RAD54L2: variants seen among roughly 807,000 people sequenced by gnomAD.
RAD54L2 encodes helicase ARIP4.
In RAD54L2, 27 loss-of-function variants were observed where a neutral mutation model predicts 138.4. That is an observed-to-expected ratio of 0.20 (90% CI 0.14 to 0.27). The LOEUF (loss-of-function observed/expected upper bound fraction) is 0.27, where lower values mean the gene tolerates loss of function less well. Among genes scored for constraint, RAD54L2 ranks in the 10% least tolerant of loss-of-function variants. The pLI, the probability that RAD54L2 is intolerant of heterozygous loss-of-function variation, is 1.00. For missense variants in RAD54L2, 1,396 were observed against 1,890.2 expected, an observed-to-expected ratio of 0.74 and a Z score of 4.85; for synonymous variants, 644 against 723.2, an observed-to-expected ratio of 0.89 and a Z score of 1.76.
chr3:51,662,518 G>A lies in RAD54L2; in HGVS notation c.3502G>A (p.Val1168Ile), dbSNP rs755429540. Residue 1168 changes from valine (V) to isoleucine (I), a missense_variant, in exon 23 of 23, where the codon GTC becomes ATC. Physicochemically the swap from Val to Ile is conservative, Grantham distance 29. Transcript: ENST00000684192. The surrounding 1 kb of genome is among the most constrained non-coding windows in gnomAD (Gnocchi z 4.6). ...CGACCCTGAGGGGCTGGCCAGGCCC[G>A]TCTCTCCTGACAGCCCAGAGATCAT... is the stretch of plus-strand genomic sequence containing the variant. ...APDPEGLARP[V>I]SPDSPEIISE... 56 of 1,612,910 alleles carry A rather than the reference G, an allele frequency of 3.5e-5. No homozygotes were observed. The highest frequency in any genetic ancestry group is 7.7e-5 in the South Asian group (7 of 90,940).
At chr3:51,650,759 C>T (rs1488368636) in intron 19 of RAD54L2, among the ~76,000 whole-genome samples, 2 of 152,174 alleles carry the variant, frequency 1.3e-5, no homozygotes, top group Non-Finnish European at 2.9e-5. Context: ...ACACAACGTA[C>T]CAGAATATCT....
intron 14 of RAD54L2, among the ~76,000 whole-genome samples, chr3:51,640,615 A>C (rs1701107347): frequency 6.6e-6 from 1 of 152,224 alleles, no homozygotes; most frequent in Non-Finnish European, 1.5e-5. Flanking sequence ...CAGGAGCCTC[A>C]GAGTGAGGGC....
At position 51,627,535 on chromosome 3, in the gene RAD54L2, T is replaced by C; in HGVS notation, c.140-18T>C. The C allele has an allele frequency of 6.5e-7, 1 of 1,548,716 alleles. No individual in the cohort carries two copies. Among genetic ancestry groups the C allele is most frequent in the Non-Finnish European group, 8.7e-7 (1 of 1,145,882 alleles). On this transcript the variant is annotated intron_variant, in intron 3 of 22. Coordinates refer to ENST00000684192, the MANE Select transcript of RAD54L2 (RefSeq NM_015106.4). ...CCCTCACCCCTATAAAGCAATGTCT[T>C]TCCCCTTGTTTTTTCAGACCCATCC...
At chr3:51,568,331 T>C (rs1009879163) in intron 2 of RAD54L2, among the ~76,000 whole-genome samples, 38 of 152,128 alleles carry the variant, frequency 2.5e-4, no homozygotes, top group African/African-American at 8.7e-4. Context: ...CCTCTTCCCT[T>C]TTTTGGACTG....
intron 2 of RAD54L2, among the ~76,000 whole-genome samples, chr3:51,583,426 T>A (rs1351654824): frequency 6.6e-6 from 1 of 151,606 alleles, no homozygotes; most frequent in African/African-American, 2.4e-5. Flanking sequence ...CTTCTTTTTT[T>A]TTATTTTTTT....
At chr3:51,584,605 ATACTCCGTATAGTACTCTACAGTAC>A (rs1699674043) in intron 2 of RAD54L2, among the ~76,000 whole-genome samples, 1 of 149,362 alleles carries the variant, frequency 6.7e-6, no homozygotes, top group South Asian at 2.1e-4. Flanking sequence ...GGTGAGTACT[ATACTCCGTATAGTACTCTACAGTAC>A]TATATATATA....
intron 2 of RAD54L2, among the ~76,000 whole-genome samples, chr3:51,581,685 T>G (rs1375604411): frequency 6.6e-6 from 1 of 152,150 alleles, no homozygotes; most frequent in Non-Finnish European, 1.5e-5. Context: ...GGCTTGTACT[T>G]TGAGAAGAGA....
intron 2 of RAD54L2, among the ~76,000 whole-genome samples, chr3:51,567,775 A>G (rs1230189407): frequency 2.6e-5 from 4 of 151,936 alleles, no homozygotes; most frequent in Non-Finnish European, 5.9e-5. Context: ...TATGTAGTCA[A>G]ATCTAAGTAG....
rs1455630980 is a variant in RAD54L2 at position 51,665,068 on chromosome 3, C to T, written c.*1648C>T. 1.3e-5 allele frequency: 2 copies of T among 152,136 alleles called. No individual in the cohort carries two copies. Among genetic ancestry groups the T allele is most frequent in the Non-Finnish European group, 2.9e-5 (2 of 68,024 alleles). 9.4% of individuals were successfully genotyped at this position (152,136 alleles called of 1,614,324 possible). On this transcript the variant is annotated 3_prime_UTR_variant, in exon 23 of 23. Coordinates refer to ENST00000684192, the MANE Select transcript of RAD54L2 (RefSeq NM_015106.4). Reference sequence around the variant, plus strand: ...CTGGGTTTTATCTTAAAAGAACACACCAGTCATTCTGGGTCTCCCCTTATT... The same window carrying T: ...CTGGGTTTTATCTTAAAAGAACACATCAGTCATTCTGGGTCTCCCCTTATT...
intron 2 of RAD54L2, among the ~76,000 whole-genome samples, chr3:51,576,077 A>G (rs1054125499): frequency 1.3e-5 from 2 of 152,142 alleles, no homozygotes; most frequent in Non-Finnish European, 2.9e-5. Flanking sequence ...AATTTTGTCA[A>G]AGGCCTTTTC....
At chr3:51,567,389 A>G (rs888579304) in intron 2 of RAD54L2, among the ~76,000 whole-genome samples, 1 of 152,090 alleles carries the variant, frequency 6.6e-6, no homozygotes, top group Non-Finnish European at 1.5e-5. Flanking sequence ...TCATTGTGTT[A>G]TCTTGTTGGT....
rs1433740005 is a variant in RAD54L2 at position 51,666,271 on chromosome 3, C to G, written c.*2851C>G. 7 of 135,992 alleles carry G rather than the reference C, an allele frequency of 5.1e-5. No homozygotes were observed. The highest frequency in any genetic ancestry group is 2.3e-4 in the South Asian group (1 of 4,266). 8.4% of individuals were successfully genotyped at this position (135,992 alleles called of 1,614,324 possible). On this transcript the variant is annotated 3_prime_UTR_variant, in exon 23 of 23. Coordinates refer to ENST00000684192, the MANE Select transcript of RAD54L2 (RefSeq NM_015106.4). The stretch of plus-strand genomic sequence containing the variant: ...CTGTCTCTTTATATGTGCTGATAGG[C>G]AAATGTGCATGCACACCAAACATAA...
chr3:51,593,450 A>C (rs1699883894), intron 3 of RAD54L2, among the ~76,000 whole-genome samples: 1 of 151,578 alleles, frequency 6.6e-6, no homozygotes, highest in Non-Finnish European at 1.5e-5. Flanking sequence ...CTCCTGCCTC[A>C]GCCTCCTGAG....
intron 1 of RAD54L2, among the ~76,000 whole-genome samples, 84 bp downstream of exon 1, chr3:51,538,999 G>T (rs1041348721): frequency 2.6e-5 from 4 of 152,264 alleles, no homozygotes; most frequent in Middle Eastern, 6.8e-3. Context: ...ACGCGGCCTG[G>T]GCCCCTGCCA....
chr3:51,642,794 G>A (rs896175353), intron 15 of RAD54L2, among the ~76,000 whole-genome samples: 1 of 152,092 alleles, frequency 6.6e-6, no homozygotes, highest in Admixed American at 6.5e-5. Flanking sequence ...CCAGCACAAG[G>A]TGTGGCTCAG....
chr3:51,595,502 T>C (rs779885155), intron 3 of RAD54L2, among the ~76,000 whole-genome samples: 6 of 152,122 alleles, frequency 3.9e-5, no homozygotes, highest in Admixed American at 2.6e-4. Context: ...GAGTGAAAGA[T>C]ATTTTTGGCT....
rs1403674927 is a variant in RAD54L2, at chr3:51,593,861, CT to C, written c.139+3304del. Among the ~76,000 whole-genome samples, 11 of 152,134 alleles carry C rather than the reference CT, an allele frequency of 7.2e-5. No individual in the cohort carries two copies. The South Asian group carries it at 2.3e-3, about 32-fold the overall frequency. On this transcript the variant is annotated intron_variant, in intron 3 of 22. Transcript: ENST00000684192. ...TTAGACTTCTTAGGAATGCGCGTAG[CT>C]TATTAATTTTCAGATGTTTTTCTAC...
intron 2 of RAD54L2, among the ~76,000 whole-genome samples, chr3:51,548,821 CTTTTT>C: frequency 9.9e-6 from 1 of 101,306 alleles, no homozygotes; most frequent in East Asian, 3.3e-4. Context: ...AGTAACTCTG[CTTTTT>C]TTTTTTTTTT....
chr3:51,589,683 T>TATACAC (rs1553680963), intron 2 of RAD54L2, among the ~76,000 whole-genome samples: 6,451 of 144,790 alleles, frequency 0.045, 214 homozygotes, highest in Non-Finnish European at 0.064. Flanking sequence ...TATATATATA[T>TATACAC]ACACACACAC....
Sources: allele counts gnomAD v4.1 joint callset (sites outside exome capture counted in the v4.1 genomes callset), GRCh38; gene constraint gnomAD v4.1.1; non-coding constraint Gnocchi (gnomAD v3.1); transcripts MANE v1.5; gene names NCBI Gene and HGNC (gene_info 2026-07-23, HGNC 2026-07-21).